PELI2: variants seen among roughly 807,000 people sequenced by gnomAD.
PELI2 encodes the protein pellino E3 ubiquitin protein ligase family member 2.
PELI2 carries 23 observed loss-of-function variants against 42.3 expected under a neutral mutation model. The ratio of observed to expected loss-of-function variants is 0.54; its 90% CI spans 0.39 to 0.77. The LOEUF (loss-of-function observed/expected upper bound fraction) is 0.77. PELI2 is among the 30% of genes least tolerant of loss of function. The probability of loss-of-function intolerance (pLI) is 0.00; values close to 1 mark genes in which losing one functional copy is unlikely to be tolerated. For synonymous variants in PELI2, 245 were observed against 212.2 expected (o/e 1.15, Z -1.34); for missense variants, 463 against 553.2 (o/e 0.84, Z 1.64).
chr14:56,242,753 T>C (rs1239561898), intron 2 of PELI2, among the ~76,000 whole-genome samples: 2 of 152,220 alleles, frequency 1.3e-5, no homozygotes, highest in Admixed American at 1.3e-4. Flanking sequence ...AACTCAGGAA[T>C]GGAAAACCAA....
chr14:56,183,905 A>C (rs1478274508), intron 2 of PELI2, among the ~76,000 whole-genome samples: 2 of 152,178 alleles, frequency 1.3e-5, no homozygotes, highest in African/African-American at 4.8e-5. Flanking sequence ...AAGTTGTCTT[A>C]GCTGAAATTC....
At chr14:56,240,968 C>T (rs78880529) in intron 2 of PELI2, among the ~76,000 whole-genome samples, 3,413 of 152,160 alleles carry the variant, frequency 0.022, 136 homozygotes, top group African/African-American at 0.079. Flanking sequence ...CTTAAAATAA[C>T]GAGAAAGCAA....
At position 56,297,479 on chromosome 14, in the gene PELI2, A is replaced by C; in HGVS notation, c.*313A>C. ...TTAACCAAGTTTTTTTTTTTTTGTA[A>C]TCTTGGACAAGACTTTAAATCATAT... On this transcript the variant is annotated 3_prime_UTR_variant, in exon 6 of 6. Transcript: ENST00000267460. The C allele has an allele frequency of 3.8e-6, 1 of 262,036 alleles. No homozygotes were observed. The highest frequency in any genetic ancestry group is 7.3e-6 in the Non-Finnish European group (1 of 137,888). The allele number at this position is 262,036 out of a possible 1,614,324, so 16.2% of individuals were successfully genotyped here. A position where few individuals can be genotyped will look rare whatever the true frequency, so the allele number is the denominator to read the frequency against.
intron 2 of PELI2, among the ~76,000 whole-genome samples, chr14:56,212,026 G>C (rs1437194961): frequency 6.6e-6 from 1 of 152,166 alleles, no homozygotes; most frequent in Non-Finnish European, 1.5e-5. Context: ...CCTCTTATGT[G>C]CTGGGAATAG....
intron 1 of PELI2, among the ~76,000 whole-genome samples, chr14:56,126,138 C>T (rs1883249970): frequency 6.6e-6 from 1 of 152,222 alleles, no homozygotes; most frequent in Admixed American, 6.5e-5. Flanking sequence ...CATGTTGTCA[C>T]CTGCAGAAAG....
intron 1 of PELI2, among the ~76,000 whole-genome samples, chr14:56,148,700 A>C (rs931267722): frequency 3.3e-5 from 5 of 152,182 alleles, no homozygotes; most frequent in African/African-American, 9.7e-5. Context: ...GCACTTTTGC[A>C]AACCTTCCTA....
chr14:56,236,037 C>T (rs192911915), intron 2 of PELI2, among the ~76,000 whole-genome samples: 1 of 152,212 alleles, frequency 6.6e-6, no homozygotes, highest in East Asian at 1.9e-4. Flanking sequence ...CACCTCCCTC[C>T]CCACTATTAC....
At chr14:56,136,999 C>T (rs1447772708) in intron 1 of PELI2, among the ~76,000 whole-genome samples, 1 of 152,152 alleles carries the variant, frequency 6.6e-6, no homozygotes, top group Admixed American at 6.5e-5. Context: ...CAGTGTTATG[C>T]CTGGCTAGTG....
intron 2 of PELI2, among the ~76,000 whole-genome samples, chr14:56,211,035 T>C (rs1024449023): frequency 2.6e-5 from 4 of 152,208 alleles, no homozygotes; most frequent in Non-Finnish European, 4.4e-5. Context: ...TCTGGGCATA[T>C]TGTATATGCA....
chr14:56,240,902 T>C lies in PELI2; in HGVS notation c.208-38774T>C, dbSNP rs568213876. ...GTGGGTCACTAAGAACAATATGACATTATGACCATGTTTGTTTTTCCCTGT... is the reference window on the plus strand; with the variant it reads ...GTGGGTCACTAAGAACAATATGACACTATGACCATGTTTGTTTTTCCCTGT... On this transcript the variant is annotated intron_variant, in intron 2 of 5. Coordinates refer to ENST00000267460, the MANE Select transcript of PELI2 (RefSeq NM_021255.3). Among the ~76,000 whole-genome samples the C allele has an allele frequency of 2.0e-5, 3 of 152,298 alleles. No homozygotes were observed. The East Asian group carries it at 5.8e-4, about 29-fold the overall frequency.
At chr14:56,124,966 C>T (rs1883197580) in intron 1 of PELI2, among the ~76,000 whole-genome samples, 1 of 152,068 alleles carries the variant, frequency 6.6e-6, no homozygotes, top group African/African-American at 2.4e-5. Flanking sequence ...TTGGACTTTA[C>T]CCTAAGAGCA....
intron 2 of PELI2, among the ~76,000 whole-genome samples, chr14:56,232,418 A>G (rs1436046597): frequency 6.6e-6 from 1 of 152,198 alleles, no homozygotes; most frequent in African/African-American, 2.4e-5. Context: ...ACCATGATCA[A>G]GTTGGCTTCA....
rs141155292 is a variant in PELI2 at position 56,204,400 on chromosome 14, C to G, written c.207+25936C>G. The stretch of plus-strand genomic sequence containing the variant: ...GTCTTGATGTGGCAGCTAAGAGAGC[C>G]GGAAAAGGCTGGGGCCACTCTGAGC... On this transcript the variant is annotated intron_variant, in intron 2 of 5. Transcript: ENST00000267460. Among the ~76,000 whole-genome samples, 901 of 152,108 alleles carry G rather than the reference C, an allele frequency of 5.9e-3. 8 individuals are homozygous for G. Among genetic ancestry groups the G allele is most frequent in the African/African-American group, 0.021 (870 of 41,486 alleles).
rs1887037331 is a variant in PELI2, at chr14:56,219,276, TAC to T, written c.207+40814_207+40815del. Reference sequence around the variant, plus strand: ...AAGACAGAAGGAAGAAGCTCCCCCGTACAGAGACAGATGGGGGCTCCAAAACT... The same window carrying T: ...AAGACAGAAGGAAGAAGCTCCCCCGTAGAGACAGATGGGGGCTCCAAAACT... On this transcript the variant is annotated intron_variant, in intron 2 of 5. Transcript: ENST00000267460. The surrounding 1 kb of genome is among the most constrained non-coding windows in gnomAD (Gnocchi z 4.1). Among the ~76,000 whole-genome samples, 1 of 152,128 alleles carries T rather than the reference TAC, an allele frequency of 6.6e-6. No individual in the cohort carries two copies. Among genetic ancestry groups the T allele is most frequent in the Admixed American group, 6.5e-5 (1 of 15,274 alleles).
intron 5 of PELI2, chr14:56,292,626 G>T (rs1281019564): frequency 5.1e-6 from 1 of 197,842 alleles, no homozygotes; most frequent in Non-Finnish European, 9.1e-6. Flanking sequence ...GCTGGTGGAA[G>T]ATTATGTATT....
At chr14:56,196,857 G>T (rs560528406) in intron 2 of PELI2, among the ~76,000 whole-genome samples, 5 of 152,074 alleles carry the variant, frequency 3.3e-5, no homozygotes, top group Non-Finnish European at 7.4e-5. Context: ...TTTTAACTTT[G>T]TTCATGGTGT....
chr14:56,219,239 G>T lies in PELI2; in HGVS notation c.207+40775G>T, dbSNP rs900915134. ...AAGGAGCAGAGAGTTTAATAGGCAA[G>T]AAGGAAGGAAGAAGACAGAAGGAAG... is the stretch of plus-strand genomic sequence containing the variant. On this transcript the variant is annotated intron_variant, in intron 2 of 5. Transcript: ENST00000267460. This position sits in a 1 kb window ranked among gnomAD's most constrained non-coding sequence, Gnocchi z 4.1. 6.6e-6 allele frequency among the ~76,000 whole-genome samples: 1 copy of T among 152,056 alleles called. No homozygotes were observed. Among genetic ancestry groups the T allele is most frequent in the African/African-American group, 2.4e-5 (1 of 41,454 alleles).
chr14:56,296,988 C>T lies in PELI2; in HGVS notation c.1085C>T (p.Pro362Leu). The change falls in exon 6 of 6, where the codon CCA becomes CTA. Residue 362 changes from proline (P) to leucine (L), a missense_variant. Around this residue, in one of 3 missense-constraint regions of PELI2, gnomAD observed 103 missense variants for 129.6 expected, o/e 0.80. Coordinates refer to ENST00000267460, the MANE Select transcript of PELI2 (RefSeq NM_021255.3). ...EAGFYVDAGP[P>L]THAFTPCGHV... Reference sequence around the variant, plus strand: ...GGATTTTATGTAGACGCAGGACCGCCAACTCATGCTTTCACTCCCTGTGGA... The same window carrying T: ...GGATTTTATGTAGACGCAGGACCGCTAACTCATGCTTTCACTCCCTGTGGA... 1 of 1,614,134 alleles carries T rather than the reference C, an allele frequency of 6.2e-7. No individual in the cohort carries two copies. The highest frequency in any genetic ancestry group is 8.5e-7 in the Non-Finnish European group (1 of 1,180,030).
At chr14:56,128,675 T>C (rs1425824778) in intron 1 of PELI2, among the ~76,000 whole-genome samples, 2 of 151,988 alleles carry the variant, frequency 1.3e-5, no homozygotes, top group Admixed American at 1.3e-4. Context: ...GCTGAAGTAC[T>C]TGGGGAGGGA....
Sources: allele counts gnomAD v4.1 joint callset (sites outside exome capture counted in the v4.1 genomes callset), GRCh38; gene constraint gnomAD v4.1.1; regional missense constraint gnomAD v4.1.1; non-coding constraint Gnocchi (gnomAD v3.1); transcripts MANE v1.5; gene names NCBI Gene and HGNC (gene_info 2026-07-23, HGNC 2026-07-21).